RBMS3: variants seen among roughly 807,000 people sequenced by gnomAD.
RBMS3 encodes RNA-binding motif, single-stranded-interacting protein 3.
A neutral mutation model predicts 66.8 loss-of-function variants in RBMS3; 27 were observed. The ratio of observed to expected loss-of-function variants is 0.40; its 90% CI spans 0.30 to 0.56. The LOEUF is 0.56. RBMS3 is among the 20% of genes least tolerant of loss of function. RBMS3 has a pLI of 0.40. For synonymous variants in RBMS3, 188 were observed against 183.0 expected, an observed-to-expected ratio of 1.03 and a Z score of -0.22; for missense variants, 513 against 549.5, an observed-to-expected ratio of 0.93 and a Z score of 0.66.
chr3:29,393,784 A>T (rs2039420389), intron 1 of RBMS3, among the ~76,000 whole-genome samples: 1 of 147,546 alleles, frequency 6.8e-6, no homozygotes, highest in Non-Finnish European at 1.5e-5. Context: ...AGGTTCCGTG[A>T]TGCCCCCTGA....
intron 1 of RBMS3, among the ~76,000 whole-genome samples, chr3:29,308,855 G>T (rs1436065671): frequency 6.7e-6 from 1 of 149,406 alleles, no homozygotes; most frequent in Non-Finnish European, 1.5e-5. Context: ...AACCTTGAAT[G>T]CCATGGTAAG....
At chr3:29,910,925 A>C (rs2060498891) in intron 10 of RBMS3, among the ~76,000 whole-genome samples, 1 of 152,070 alleles carries the variant, frequency 6.6e-6, no homozygotes, top group Non-Finnish European at 1.5e-5. Flanking sequence ...GCCTAAGAAG[A>C]AGCTTACCAA....
chr3:29,997,727 G>A (rs1559877067), intron 14 of RBMS3, among the ~76,000 whole-genome samples: 2 of 151,942 alleles, frequency 1.3e-5, no homozygotes, highest in African/African-American at 2.4e-5. Flanking sequence ...AACCCTTCAT[G>A]CTAAAAACTC....
At chr3:29,895,087 G>A (rs1050661042) in intron 8 of RBMS3, among the ~76,000 whole-genome samples, 3 of 151,576 alleles carry the variant, frequency 2.0e-5, no homozygotes, top group Non-Finnish European at 3.0e-5. Flanking sequence ...GCAATGGAAA[G>A]CCTATGGAGA....
At chr3:29,360,327 G>T (rs2037499157) in intron 1 of RBMS3, among the ~76,000 whole-genome samples, 1 of 138,794 alleles carries the variant, frequency 7.2e-6, no homozygotes, top group African/African-American at 2.5e-5. Flanking sequence ...TCAGGAGCAG[G>T]TTGTTCAGTT....
intron 4 of RBMS3, among the ~76,000 whole-genome samples, chr3:29,708,854 C>T (rs1280132092): frequency 2.0e-5 from 3 of 152,210 alleles, no homozygotes; most frequent in African/African-American, 7.2e-5. Flanking sequence ...GTCTCAGCTA[C>T]TGGGAAGGCT....
rs201308592 is a variant in RBMS3 at position 29,524,610 on chromosome 3, TA to T, written c.307+36112del. 4.0e-4 allele frequency among the ~76,000 whole-genome samples: 50 copies of T among 125,058 alleles called. 1 individual carries two copies. The highest frequency in any genetic ancestry group is 4.4e-3 in the Middle Eastern group (1 of 226). 82.0% of individuals were successfully genotyped at this position (125,058 alleles called of 152,430 possible). A position where few individuals can be genotyped will look rare whatever the true frequency, so the allele number is the denominator to read the frequency against. On this transcript the variant is annotated intron_variant, in intron 3 of 14. Coordinates refer to ENST00000383767, the MANE Select transcript of RBMS3 (RefSeq NM_001003793.3). Reference sequence around the variant, plus strand: ...GCCCAGCCAACTTTTGCATTTTATTTATTTATTTTTTTTAGTAGAGGCAGGG... The same window carrying T: ...GCCCAGCCAACTTTTGCATTTTATTTTTTATTTTTTTTAGTAGAGGCAGGG...
At chr3:29,854,112 G>A (rs1231806026) in intron 6 of RBMS3, among the ~76,000 whole-genome samples, 1 of 152,144 alleles carries the variant, frequency 6.6e-6, no homozygotes, top group Non-Finnish European at 1.5e-5. Context: ...AGAAACAGAA[G>A]TTCTCATCCC....
intron 6 of RBMS3, among the ~76,000 whole-genome samples, chr3:29,856,518 A>G (rs765565451): frequency 2.5e-4 from 38 of 152,334 alleles, no homozygotes; most frequent in Admixed American, 4.6e-4. Flanking sequence ...ATAGGTGGGC[A>G]TGTGGGTGAT....
At chr3:29,445,629 A>G (rs2041803303) in intron 2 of RBMS3, among the ~76,000 whole-genome samples, 1 of 152,132 alleles carries the variant, frequency 6.6e-6, no homozygotes, top group Admixed American at 6.6e-5. Flanking sequence ...AAACACACAG[A>G]GCATATCTGT....
intron 3 of RBMS3, among the ~76,000 whole-genome samples, chr3:29,510,164 T>C (rs573755070): frequency 6.6e-6 from 1 of 152,362 alleles, no homozygotes; most frequent in African/African-American, 2.4e-5. Context: ...GCTTCAAACC[T>C]GTATGTGACT....
chr3:29,647,964 A>G (rs751243598), intron 4 of RBMS3, among the ~76,000 whole-genome samples: 4 of 152,222 alleles, frequency 2.6e-5, no homozygotes, highest in African/African-American at 7.2e-5. Flanking sequence ...CTGTAACACC[A>G]TATATGAATT....
chr3:29,554,202 C>A (rs2046269899), intron 3 of RBMS3, among the ~76,000 whole-genome samples: 1 of 152,066 alleles, frequency 6.6e-6, no homozygotes, highest in African/African-American at 2.4e-5. Context: ...ACATTACATC[C>A]TAAATATTTT....
chr3:29,722,308 C>A (rs1260563205), intron 4 of RBMS3, among the ~76,000 whole-genome samples: 1 of 151,984 alleles, frequency 6.6e-6, no homozygotes, highest in African/African-American at 2.4e-5. Context: ...TTTGCTTTAT[C>A]ATTTTCTCTA....
At chr3:29,933,566 T>C (rs1018264284) in intron 10 of RBMS3, among the ~76,000 whole-genome samples, 9 of 152,156 alleles carry the variant, frequency 5.9e-5, no homozygotes, top group African/African-American at 1.9e-4. Context: ...TAATAATTTG[T>C]AGGATTGTTT....
chr3:29,549,306 AG>A (rs2046098436), intron 3 of RBMS3, among the ~76,000 whole-genome samples: 1 of 152,116 alleles, frequency 6.6e-6, no homozygotes, highest in Admixed American at 6.6e-5. Context: ...TTACAGAAGA[AG>A]GTGAGCTAGG....
intron 1 of RBMS3, among the ~76,000 whole-genome samples, chr3:29,354,490 G>A (rs1056274020): frequency 3.3e-5 from 5 of 152,118 alleles, no homozygotes; most frequent in African/African-American, 1.2e-4. Context: ...ATACGTGTGT[G>A]TGTGTGTTTA....
chr3:29,675,670 T>C (rs564654883), intron 4 of RBMS3, among the ~76,000 whole-genome samples: 19 of 152,224 alleles, frequency 1.2e-4, no homozygotes, highest in South Asian at 1.2e-3. Flanking sequence ...AACAGACACA[T>C]GAAAAAATGC....
intron 4 of RBMS3, chr3:29,642,697 G>A (rs951576056): frequency 6.6e-6 from 1 of 152,004 alleles, no homozygotes; most frequent in Admixed American, 6.6e-5. Flanking sequence ...TTCTCTTCTG[G>A]ATGGTCTCCA....
Sources: gnomAD v4.1 joint callset for allele counts (sites outside exome capture counted in the v4.1 genomes callset) on GRCh38, gnomAD v4.1.1 for gene constraint, MANE v1.5 for transcripts, NCBI Gene and HGNC (gene_info 2026-07-23, HGNC 2026-07-21) for gene names.